WNK1: variants seen among roughly 807,000 people sequenced by gnomAD.
WNK1 encodes WNK lysine deficient protein kinase 1, also known as serine/threonine-protein kinase WNK1.
Under a neutral mutation model 222.8 loss-of-function variants are expected in WNK1, and 38 were observed. The ratio of observed to expected loss-of-function variants is 0.17; its 90% CI spans 0.13 to 0.22. The LOEUF (loss-of-function observed/expected upper bound fraction) is 0.22, where lower values mean the gene tolerates loss of function less well. Ranked by LOEUF, WNK1 falls within the 10% of genes least tolerant of loss-of-function variation. WNK1 has a pLI of 1.00. For synonymous variants in WNK1, 1,090 were observed against 1,092.9 expected (o/e 1.00, Z 0.05); for missense variants, 2,348 against 2,918.4 (o/e 0.80, Z 4.50).
chr12:904,902 G>A (rs543533375), intron 26 of WNK1, among the ~76,000 whole-genome samples: 3 of 152,308 alleles, frequency 2.0e-5, no homozygotes, highest in East Asian at 3.9e-4. Flanking sequence ...CTAGATTGAC[G>A]AGGAGAAAAA....
Position 885,124 on chromosome 12 carries a change from CGTT to C in WNK1, c.4324_4326del (p.Val1442del). The C allele has an allele frequency of 6.2e-7, 1 of 1,614,196 alleles. No individual in the cohort carries two copies. The highest frequency in any genetic ancestry group is 8.5e-7 in the Non-Finnish European group (1 of 1,180,026). ...AAGTCCCCACATCCACATCTGAGAT[CGTT>C]GTTTCTAGTACAGCACTGTATCCTT... On this transcript the variant is annotated inframe_deletion, in exon 19 of 28. Transcript: ENST00000315939.
chr12:762,062 ATTT>A (rs35813354), intron 1 of WNK1, among the ~76,000 whole-genome samples: 1 of 122,580 alleles, frequency 8.2e-6, no homozygotes, highest in Non-Finnish European at 1.8e-5. Context: ...TTTTAATTTA[ATTT>A]TTTTTTTTTT....
intron 1 of WNK1, among the ~76,000 whole-genome samples, chr12:804,294 T>A (rs571710230): frequency 6.6e-6 from 1 of 152,356 alleles, no homozygotes; most frequent in Non-Finnish European, 1.5e-5. Flanking sequence ...AACATAAATT[T>A]ACCATTGTAA....
intron 22 of WNK1, among the ~76,000 whole-genome samples, chr12:893,323 A>AAT (rs948001607): frequency 6.6e-6 from 1 of 152,150 alleles, no homozygotes; most frequent in Admixed American, 6.6e-5. Flanking sequence ...TTAAATATGA[A>AAT]ATATATATAT....
chr12:809,469 G>T (rs1354217607), intron 1 of WNK1, among the ~76,000 whole-genome samples: 1 of 151,980 alleles, frequency 6.6e-6, no homozygotes, highest in Non-Finnish European at 1.5e-5. Context: ...AGGTCATAAA[G>T]AAATCTGCAG....
chr12:899,828 T>A (rs1283601077), intron 25 of WNK1, among the ~76,000 whole-genome samples: 1 of 151,332 alleles, frequency 6.6e-6, no homozygotes, highest in African/African-American at 2.4e-5. Flanking sequence ...AACCTTTTTG[T>A]ATAATGATTC....
At chr12:794,584 C>T (rs1018109351) in intron 1 of WNK1, among the ~76,000 whole-genome samples, 2 of 151,088 alleles carry the variant, frequency 1.3e-5, no homozygotes, top group East Asian at 3.9e-4. Flanking sequence ...GGGCTTTGTA[C>T]TGTATGGGGT....
At chr12:879,387 A>G (rs894442233) in intron 10 of WNK1, among the ~76,000 whole-genome samples, 186 bp from the exon 11 acceptor site, 7 of 149,296 alleles carry the variant, frequency 4.7e-5, no homozygotes, top group African/African-American at 1.5e-4. Context: ...TCTCCTTTCC[A>G]TATTCTTATG....
rs1956066677 is a variant in WNK1 at position 911,299 on chromosome 12, A to C, written c.*2507A>C. The stretch of plus-strand genomic sequence containing the variant: ...TGTTAAAAATAAAAATAAAAATTCA[A>C]ACTTTGGGGGTTTCTCAGCAGCCGT... On this transcript the variant is annotated 3_prime_UTR_variant, in exon 28 of 28. Coordinates refer to ENST00000315939, the MANE Select transcript of WNK1 (RefSeq NM_018979.4). The C allele has an allele frequency of 5.0e-6, 2 of 398,606 alleles. No homozygotes were observed. The highest frequency in any genetic ancestry group is 7.1e-5 in the East Asian group (2 of 28,072). The allele number at this position is 398,606 out of a possible 1,614,324, so 24.7% of individuals were successfully genotyped here. A position where few individuals can be genotyped will look rare whatever the true frequency, so the allele number is the denominator to read the frequency against.
Position 753,521 on chromosome 12 carries a change from C to T in WNK1, c.-45C>T. ...GCGGCTCGGCCCTTCACGCCCTTTT[C>T]GTTCACGAATCCGAGCCCGCTCGCC... On this transcript the variant is annotated 5_prime_UTR_variant, in exon 1 of 28. Coordinates refer to ENST00000315939, the MANE Select transcript of WNK1 (RefSeq NM_018979.4). The surrounding 1 kb of genome is among the most constrained non-coding windows in gnomAD (Gnocchi z 5.2). 3.1e-6 allele frequency: 5 copies of T among 1,610,074 alleles called. No homozygotes were observed. The highest frequency in any genetic ancestry group is 4.2e-6 in the Non-Finnish European group (5 of 1,179,506).
chr12:908,781 C>T lies in WNK1; in HGVS notation c.7138C>T (p.Arg2380Trp), dbSNP rs56262445. The T allele has an allele frequency of 9.6e-5, 151 of 1,576,596 alleles. 3 individuals carry two copies. The highest frequency in any genetic ancestry group is 8.3e-4 in the South Asian group (75 of 90,496). The part of the protein sequence containing the change: ...SISNPPGSNL[R>W]TT ...CAGCAACCCCCCAGGCTCCAACCTG[C>T]GGACCACTTAGACCTAGAGACATTA... is the stretch of plus-strand genomic sequence containing the variant. Residue 2380 changes from arginine (R) to tryptophan (W), a missense_variant, in exon 28 of 28, where the codon CGG becomes TGG. This residue lies in a region of WNK1 where 76 missense variants were observed against 85.7 expected (regional missense o/e 0.89). Coordinates refer to ENST00000315939, the MANE Select transcript of WNK1 (RefSeq NM_018979.4).
At chr12:806,276 G>A (rs1006020879) in intron 1 of WNK1, among the ~76,000 whole-genome samples, 4 of 152,312 alleles carry the variant, frequency 2.6e-5, no homozygotes, top group Admixed American at 6.5e-5. Context: ...TGGCATGTGA[G>A]AATAACAAGA....
At chr12:817,846 G>A (rs1003668578) in intron 2 of WNK1, among the ~76,000 whole-genome samples, 13 of 130,390 alleles carry the variant, frequency 1.0e-4, no homozygotes, top group African/African-American at 3.6e-4. Context: ...CCAGCTACCC[G>A]GGAGGCTGAG....
intron 9 of WNK1, among the ~76,000 whole-genome samples, chr12:877,799 A>C (rs1952764903): frequency 6.6e-6 from 1 of 152,210 alleles, no homozygotes; most frequent in Non-Finnish European, 1.5e-5. Context: ...TAAGGAAAAA[A>C]GATTAAAGGA....
rs1008465143 is a variant in WNK1, at chr12:889,132, T to C, written c.5365-8T>C. On this transcript the variant is annotated splice_polypyrimidine_tract_variant and splice_region_variant and intron_variant, in intron 20 of 27. Transcript: ENST00000315939. The stretch of plus-strand genomic sequence containing the variant: ...GGAACTGTATTTACTGTGATTGTTT[T>C]CATTCAGTCCCAGCAACCTCTAGAG... 23 of 1,613,338 alleles carry C rather than the reference T, an allele frequency of 1.4e-5. No individual in the cohort carries two copies. The highest frequency in any genetic ancestry group is 1.9e-5 in the Non-Finnish European group (22 of 1,179,388).
intron 3 of WNK1, among the ~76,000 whole-genome samples, chr12:828,273 T>C (rs1181265308): frequency 6.6e-6 from 1 of 152,078 alleles, no homozygotes; most frequent in East Asian, 1.9e-4. Context: ...GCCACTGCAC[T>C]CTAGCCTGGG....
At chr12:904,433 C>G (rs748834286) in intron 26 of WNK1, 1 of 1,288,582 alleles carries the variant, frequency 7.8e-7, no homozygotes, top group East Asian at 5.5e-5. Flanking sequence ...TAACACATTG[C>G]TTCTCTCTTT....
At chr12:760,848 A>G (rs1940919861) in intron 1 of WNK1, among the ~76,000 whole-genome samples, 1 of 146,214 alleles carries the variant, frequency 6.8e-6, no homozygotes, top group Admixed American at 6.8e-5. Flanking sequence ...ATCTTGGCTC[A>G]CTGAAACCTC....
chr12:896,752 T>C lies in WNK1; in HGVS notation c.6245+20T>C, dbSNP rs371316307. The C allele has an allele frequency of 2.5e-6, 4 of 1,606,538 alleles. No individual in the cohort carries two copies. Among genetic ancestry groups the C allele is most frequent in the Non-Finnish European group, 3.4e-6 (4 of 1,178,908 alleles). On this transcript the variant is annotated intron_variant, in intron 24 of 27. Coordinates refer to ENST00000315939, the MANE Select transcript of WNK1 (RefSeq NM_018979.4). Reference sequence around the variant, plus strand: ...AGATAAGTAAGTATATTTTCTCTTGTGAAAGAATGTCAGATAAGGTTTTCA... The same window carrying C: ...AGATAAGTAAGTATATTTTCTCTTGCGAAAGAATGTCAGATAAGGTTTTCA...
Sources: gnomAD v4.1 joint callset for allele counts (sites outside exome capture counted in the v4.1 genomes callset) on GRCh38, gnomAD v4.1.1 for gene constraint, gnomAD v4.1.1 regional missense constraint, Gnocchi (gnomAD v3.1) non-coding constraint, MANE v1.5 for transcripts, NCBI Gene and HGNC (gene_info 2026-07-23, HGNC 2026-07-21) for gene names.